DOCK2: variants seen among roughly 807,000 people sequenced by gnomAD.
The protein encoded by DOCK2 is dedicator of cytokinesis protein 2.
A neutral mutation model predicts 248.9 loss-of-function variants in DOCK2; 87 were observed. That is an observed-to-expected ratio of 0.35 (90% CI 0.29 to 0.42). The LOEUF (loss-of-function observed/expected upper bound fraction) is 0.42, where lower values mean the gene tolerates loss of function less well. Among genes scored for constraint, DOCK2 ranks in the 10% least tolerant of loss-of-function variants. The pLI, the probability that DOCK2 is intolerant of heterozygous loss-of-function variation, is 1.00. For synonymous variants in DOCK2, 805 were observed against 821.6 expected (o/e 0.98, Z 0.35); for missense variants, 1,747 against 2,300.2 (o/e 0.76, Z 4.92).
At chr5:169,767,558 T>A (rs1165473427) in intron 25 of DOCK2, among the ~76,000 whole-genome samples, 1 of 152,228 alleles carries the variant, frequency 6.6e-6, no homozygotes, top group African/African-American at 2.4e-5. Flanking sequence ...CTGGCTTGAT[T>A]GCATGCTAGC....
intron 26 of DOCK2, among the ~76,000 whole-genome samples, chr5:169,811,123 TG>T (rs1767726272): frequency 6.6e-6 from 1 of 152,090 alleles, no homozygotes; most frequent in South Asian, 2.1e-4. Flanking sequence ...GACTGCGGCA[TG>T]AGCATGAATC....
chr5:169,954,241 C>A (rs1051560166), intron 27 of DOCK2, among the ~76,000 whole-genome samples: 2 of 152,288 alleles, frequency 1.3e-5, no homozygotes, highest in South Asian at 4.1e-4. Context: ...CCTTAGCAAT[C>A]GCTGGACATT....
Position 170,077,781 on chromosome 5 carries a change from C to T in DOCK2, c.4938C>T (p.Ile1646=), listed in dbSNP as rs776272531. ...MLRSYRQMSI[I]SLASMNSDCS... ...GCTCATACAGACAGATGTCCATCAT[C>T]TCTCTGGCTTCCATGAATTCTGACT... Residue 1646 remains isoleucine (I), a synonymous_variant, in exon 48 of 52, where the codon ATC becomes ATT. Transcript: ENST00000520908. 2 of 1,613,940 alleles carry T rather than the reference C, an allele frequency of 1.2e-6. No homozygotes were observed. The highest frequency in any genetic ancestry group is 3.3e-5 in the Admixed American group (2 of 60,008).
In DOCK2 at chr5:170,077,722, G is replaced by A. The variant is rs368481515; in HGVS notation, c.4879G>A (p.Asp1627Asn). 28 of 1,613,602 alleles carry A rather than the reference G, an allele frequency of 1.7e-5. No individual in the cohort carries two copies. The highest frequency in any genetic ancestry group is 4.5e-5 in the East Asian group (2 of 44,866). ...TCTCCCACCACAGCCTGACTTTGAC[G>A]ACAGGAGAGTGGGCCGTCCCAGGTC... ...YGVREMPDFDDRRVGRPRSML... is the reference protein window; with the variant it reads ...YGVREMPDFDNRRVGRPRSML... Residue 1627 changes from aspartate to asparagine, a missense_variant, in exon 48 of 52, where the codon GAC becomes AAC. By Grantham distance (23) the Asp-to-Asn change is conservative. This residue lies in a region of DOCK2 where 513 missense variants were observed against 586.1 expected (regional missense o/e 0.88). Transcript: ENST00000520908.
intron 14 of DOCK2, among the ~76,000 whole-genome samples, chr5:169,706,525 C>T (rs900292998): frequency 6.6e-5 from 10 of 152,108 alleles, no homozygotes; most frequent in East Asian, 3.9e-4. Context: ...CTGAATTAAG[C>T]GAGGTGGTGT....
chr5:169,780,670 GA>G (rs1239801833), intron 25 of DOCK2, among the ~76,000 whole-genome samples: 1 of 152,122 alleles, frequency 6.6e-6, no homozygotes, highest in Non-Finnish European at 1.5e-5. Context: ...CTGGCACTGG[GA>G]TAGGTGTTTG....
intron 8 of DOCK2, among the ~76,000 whole-genome samples, chr5:169,684,673 A>G (rs923928570): frequency 6.6e-6 from 1 of 152,224 alleles, no homozygotes; most frequent in Admixed American, 6.5e-5. Flanking sequence ...GTTTTGAGAC[A>G]GGGTCTCACT....
chr5:170,001,142 A>C (rs1255371700), intron 30 of DOCK2, among the ~76,000 whole-genome samples: 1 of 152,050 alleles, frequency 6.6e-6, no homozygotes, highest in East Asian at 1.9e-4. Flanking sequence ...CACACCTGGG[A>C]CCTTCCACTC....
At position 169,986,155 on chromosome 5, in the gene DOCK2, A is replaced by C. The variant is rs115666045; in HGVS notation, c.2993+233A>C. Reference sequence around the variant, plus strand: ...AATCCCAGTTAGAATATCATACTTCATCTCTGAAGCCTTTCGTTCACTCTT... The same window carrying C: ...AATCCCAGTTAGAATATCATACTTCCTCTCTGAAGCCTTTCGTTCACTCTT... On this transcript the variant is annotated intron_variant, in intron 29 of 51. Coordinates refer to ENST00000520908, the MANE Select transcript of DOCK2 (RefSeq NM_004946.3). Among the ~76,000 whole-genome samples, 605 of 152,376 alleles carry C rather than the reference A, an allele frequency of 4.0e-3. 6 individuals carry two copies. Among genetic ancestry groups the C allele is most frequent in the African/African-American group, 0.014 (582 of 41,596 alleles).
At chr5:169,871,374 T>C (rs906059099) in intron 27 of DOCK2, among the ~76,000 whole-genome samples, 2 of 152,188 alleles carry the variant, frequency 1.3e-5, no homozygotes, top group Non-Finnish European at 2.9e-5. Context: ...GTAATTTAAA[T>C]GGGCAAAAAT....
At chr5:169,864,528 GC>G (rs1771415472) in intron 27 of DOCK2, 2 of 1,199,746 alleles carry the variant, frequency 1.7e-6, no homozygotes, top group South Asian at 3.2e-5. Flanking sequence ...GCATCTCTCA[GC>G]CCCAACTAAT....
At chr5:169,940,724 G>T (rs1485215814) in intron 27 of DOCK2, among the ~76,000 whole-genome samples, 5 of 152,192 alleles carry the variant, frequency 3.3e-5, no homozygotes, top group Non-Finnish European at 7.3e-5. Flanking sequence ...TCTGACAGGA[G>T]GGGGAGCTCA....
chr5:169,783,513 A>C (rs1414545781), intron 25 of DOCK2, among the ~76,000 whole-genome samples: 2 of 152,220 alleles, frequency 1.3e-5, no homozygotes, highest in Non-Finnish European at 2.9e-5. Context: ...CCTGAATGGC[A>C]ATAAATGCTA....
At chr5:169,834,949 G>A (rs1279457961) in intron 26 of DOCK2, among the ~76,000 whole-genome samples, 2 of 152,178 alleles carry the variant, frequency 1.3e-5, no homozygotes, top group South Asian at 2.1e-4. Context: ...TAGAAAAATA[G>A]CAGAAGAGAC....
intron 27 of DOCK2, among the ~76,000 whole-genome samples, chr5:169,971,561 T>C (rs1314590998): frequency 1.3e-5 from 2 of 152,164 alleles, no homozygotes; most frequent in Non-Finnish European, 2.9e-5. Context: ...CCTCATAGGA[T>C]TTTTCTCATC....
intron 2 of DOCK2, 50 bp downstream of exon 2, chr5:169,654,536 C>G: frequency 6.3e-7 from 1 of 1,598,066 alleles, no homozygotes; most frequent in Non-Finnish European, 8.6e-7. Context: ...CTGATGGAAG[C>G]CTATAGTACA....
chr5:170,079,438 T>A (rs776784100), intron 49 of DOCK2: 1 of 334,766 alleles, frequency 3.0e-6, no homozygotes, highest in African/African-American at 2.1e-5. Context: ...CTGGGGAGAA[T>A]CCACCTGTTC....
At chr5:170,035,008 T>A (rs1756273466) in intron 35 of DOCK2, among the ~76,000 whole-genome samples, 1 of 152,202 alleles carries the variant, frequency 6.6e-6, no homozygotes, top group Admixed American at 6.5e-5. Flanking sequence ...GGCCCATGGT[T>A]AAATGCTCAC....
Position 170,081,939 on chromosome 5 carries a change from G to A in DOCK2, c.5385G>A (p.Lys1795=). 6.2e-7 allele frequency: 1 copy of A among 1,614,148 alleles called. No individual in the cohort carries two copies. Among genetic ancestry groups the A allele is most frequent in the South Asian group, 1.1e-5 (1 of 91,076 alleles). Residue 1795 remains lysine (K), a synonymous_variant, in exon 51 of 52, where the codon AAG becomes AAA. Coordinates refer to ENST00000520908, the MANE Select transcript of DOCK2 (RefSeq NM_004946.3). ...TCCTCCAACTCTCAGATGGTGACAA[G>A]AAGACACTCACACGGAAGAAGGTCA... ...QTFLQLSDGD[K]KTLTRKKVNQ...
Sources: allele counts gnomAD v4.1 joint callset (sites outside exome capture counted in the v4.1 genomes callset), GRCh38; gene constraint gnomAD v4.1.1; regional missense constraint gnomAD v4.1.1; transcripts MANE v1.5; gene names NCBI Gene and HGNC (gene_info 2026-07-23, HGNC 2026-07-21).